PTPRT: variants seen among roughly 807,000 people sequenced by gnomAD.
PTPRT encodes protein tyrosine phosphatase receptor type T.
Under a neutral mutation model 176.8 loss-of-function variants are expected in PTPRT, and 56 were observed. The ratio of observed to expected loss-of-function variants is 0.32; its 90% CI spans 0.26 to 0.40. PTPRT has a LOEUF of 0.40. Ranked by LOEUF, PTPRT falls within the 10% of genes least tolerant of loss-of-function variation. PTPRT has a pLI of 1.00. For synonymous variants in PTPRT, 783 were observed against 739.0 expected, an observed-to-expected ratio of 1.06 and a Z score of -0.96; for missense variants, 1,540 against 1,908.2, an observed-to-expected ratio of 0.81 and a Z score of 3.60.
chr20:42,532,043 G>A (rs1357512517), intron 7 of PTPRT, among the ~76,000 whole-genome samples: 2 of 152,158 alleles, frequency 1.3e-5, no homozygotes, highest in Non-Finnish European at 2.9e-5. Flanking sequence ...AACTTGGGCT[G>A]GGGATAGGCA....
chr20:42,386,390 C>T (rs6030189), intron 9 of PTPRT, among the ~76,000 whole-genome samples: 135,972 of 152,158 alleles, frequency 0.89, 61,069 homozygotes, highest in East Asian at 1. Flanking sequence ...GGAGGTAAAA[C>T]TGAGAGAATT....
intron 23 of PTPRT, among the ~76,000 whole-genome samples, chr20:42,107,268 G>T (rs1025024161): frequency 1.4e-4 from 21 of 152,246 alleles, no homozygotes; most frequent in Middle Eastern, 6.8e-3. Flanking sequence ...TGGAAGCAAA[G>T]AAGGAGAGGA....
intron 18 of PTPRT, among the ~76,000 whole-genome samples, chr20:42,133,275 C>T (rs1260559625): frequency 2.0e-5 from 3 of 152,152 alleles, no homozygotes; most frequent in African/African-American, 7.2e-5. Flanking sequence ...ATATTTTAAA[C>T]TTATGGGTTT....
chr20:42,923,642 C>G (rs73910632), intron 1 of PTPRT, among the ~76,000 whole-genome samples: 4,665 of 152,208 alleles, frequency 0.031, 154 homozygotes, highest in African/African-American at 0.084. Flanking sequence ...AGAGCCTGAA[C>G]AGGGCAGATG....
chr20:43,002,597 T>A (rs1984639548), intron 1 of PTPRT, among the ~76,000 whole-genome samples: 2 of 152,176 alleles, frequency 1.3e-5, no homozygotes, highest in South Asian at 2.1e-4. Flanking sequence ...TAGAACAAAA[T>A]AATTATTTCA....
rs74584213 is a variant in PTPRT, at chr20:42,131,596, C to A, written c.2771-2766G>T. Reference sequence around the variant, plus strand: ...TATGGATGAAAGTGATCTCTAGCCACCAGATGATGGTGTTTGACAACGTCT... The same window carrying A: ...TATGGATGAAAGTGATCTCTAGCCAACAGATGATGGTGTTTGACAACGTCT... On this transcript the variant is annotated intron_variant, in intron 18 of 30. Transcript: ENST00000373187. Among the ~76,000 whole-genome samples, 1,401 of 152,298 alleles carry A rather than the reference C, an allele frequency of 9.2e-3. 23 individuals carry two copies. Among genetic ancestry groups the A allele is most frequent in the African/African-American group, 0.031 (1,298 of 41,566 alleles).
intron 9 of PTPRT, among the ~76,000 whole-genome samples, chr20:42,373,100 G>A (rs2058608296): frequency 6.6e-6 from 1 of 152,234 alleles, no homozygotes; most frequent in Non-Finnish European, 1.5e-5. Context: ...CCTACTGTGT[G>A]CCTAGCATTT....
At chr20:42,302,378 T>C (rs1420917887) in intron 12 of PTPRT, among the ~76,000 whole-genome samples, 1 of 152,212 alleles carries the variant, frequency 6.6e-6, no homozygotes, top group African/African-American at 2.4e-5. Flanking sequence ...ACCGGGATTG[T>C]CTTCCCAAAT....
At chr20:42,049,101 C>T in the PTPRT span, among the ~76,000 whole-genome samples, 1 of 152,154 alleles carries the variant, frequency 6.6e-6, no homozygotes, top group Non-Finnish European at 1.5e-5. Flanking sequence ...ATTAGAGGCG[C>T]ATACCACTGC....
intron 1 of PTPRT, among the ~76,000 whole-genome samples, chr20:42,998,335 C>T (rs1034731947): frequency 1.3e-5 from 2 of 152,164 alleles, no homozygotes; most frequent in South Asian, 4.1e-4. Context: ...AGCATCAAAA[C>T]CTTTCTTAAT....
At chr20:42,327,264 C>T (rs964236866) in intron 11 of PTPRT, among the ~76,000 whole-genome samples, 1 of 151,858 alleles carries the variant, frequency 6.6e-6, no homozygotes, top group Non-Finnish European at 1.5e-5. Context: ...TATGAAAAAC[C>T]ACATTATATT....
At chr20:42,719,880 G>A (rs951771503) in intron 6 of PTPRT, among the ~76,000 whole-genome samples, 15 of 152,270 alleles carry the variant, frequency 9.9e-5, no homozygotes, top group Middle Eastern at 3.4e-3. Flanking sequence ...GGGTAAGAAC[G>A]GATGTGGAGA....
intron 17 of PTPRT, among the ~76,000 whole-genome samples, chr20:42,158,830 T>C (rs1989464148): frequency 6.6e-6 from 1 of 152,236 alleles, no homozygotes; most frequent in Non-Finnish European, 1.5e-5. Flanking sequence ...CCTAGTTAGA[T>C]TTCTGGTTGA....
chr20:43,048,722 G>A (rs1264295588), intron 1 of PTPRT, among the ~76,000 whole-genome samples: 2 of 152,132 alleles, frequency 1.3e-5, no homozygotes, highest in Non-Finnish European at 2.9e-5. Context: ...TTTTTCTGGC[G>A]ATAGTGAATT....
At chr20:43,124,842 T>A (rs1302661953) in intron 1 of PTPRT, among the ~76,000 whole-genome samples, 1 of 152,214 alleles carries the variant, frequency 6.6e-6, no homozygotes, top group Non-Finnish European at 1.5e-5. Flanking sequence ...GATTTGAAGT[T>A]CATGAGCAAA....
intron 2 of PTPRT, among the ~76,000 whole-genome samples, chr20:42,858,965 G>T (rs1410116227): frequency 2.6e-5 from 4 of 152,148 alleles, no homozygotes; most frequent in Admixed American, 2.0e-4. Context: ...TACTTACTGA[G>T]CCCAGCTGAG....
At chr20:42,604,780 T>C (rs772815613) in intron 7 of PTPRT, among the ~76,000 whole-genome samples, 2 of 152,152 alleles carry the variant, frequency 1.3e-5, no homozygotes, top group Non-Finnish European at 1.5e-5. Flanking sequence ...CCCGAAGACA[T>C]TGAGTTCCAT....
intron 7 of PTPRT, among the ~76,000 whole-genome samples, chr20:42,647,417 C>G (rs1569052805): frequency 2.6e-5 from 4 of 152,078 alleles, no homozygotes; most frequent in Admixed American, 2.0e-4. Context: ...TGCTGTACCC[C>G]TGGTGTCCCG....
chr20:43,149,163 G>A (rs2014264603), intron 1 of PTPRT, among the ~76,000 whole-genome samples: 2 of 152,112 alleles, frequency 1.3e-5, no homozygotes, highest in African/African-American at 4.8e-5. Flanking sequence ...AATGTGGTAT[G>A]TTTCTTTCTA....
Sources: allele counts gnomAD v4.1 joint callset (sites outside exome capture counted in the v4.1 genomes callset), GRCh38; gene constraint gnomAD v4.1.1; transcripts MANE v1.5; gene names NCBI Gene and HGNC (gene_info 2026-07-23, HGNC 2026-07-21).